The following NECTIN3 variants were observed in gnomAD, a reference collection of about 807,000 sequenced individuals.
NECTIN3 encodes the protein nectin-3.
In NECTIN3, 8 loss-of-function variants were observed where a neutral mutation model predicts 49.4. That is an observed-to-expected ratio of 0.16 (90% CI 0.10 to 0.29). The LOEUF is 0.29. NECTIN3 is among the 10% of genes least tolerant of loss of function. The probability of loss-of-function intolerance (pLI) is 1.00; values close to 1 mark genes in which losing one functional copy is unlikely to be tolerated. For missense variants in NECTIN3, 581 were observed against 654.6 expected (o/e 0.89, Z 1.23); for synonymous variants, 277 against 241.1 (o/e 1.15, Z -1.38).
At chr3:111,162,149 G>C (rs1354082034) in intron 7 of NECTIN3, among the ~76,000 whole-genome samples, 5 of 151,890 alleles carry the variant, frequency 3.3e-5, no homozygotes, top group Admixed American at 3.3e-4. Flanking sequence ...GGTGGGTCAC[G>C]CTTTGTGATT....
Position 111,104,634 on chromosome 3 carries a change from T to A in NECTIN3, c.161-7396T>A, listed in dbSNP as rs142629397. 3.0e-3 allele frequency among the ~76,000 whole-genome samples: 463 copies of A among 152,218 alleles called. 3 individuals are homozygous for A. Among genetic ancestry groups the A allele is most frequent in the African/African-American group, 0.01 (426 of 41,530 alleles). On this transcript the variant is annotated intron_variant, in intron 1 of 5. Coordinates refer to ENST00000485303, the MANE Select transcript of NECTIN3 (RefSeq NM_015480.3). ...CTGCACCCGACCTCTTTTGCTCATGTTTTATTGGTTTGTCTTTTTATTGTG... is the reference window on the plus strand; with the variant it reads ...CTGCACCCGACCTCTTTTGCTCATGATTTATTGGTTTGTCTTTTTATTGTG...
At chr3:111,145,085 C>G (rs1025227816) in intron 6 of NECTIN3, 17 of 1,489,690 alleles carry the variant, frequency 1.1e-5, no homozygotes, top group Admixed American at 4.0e-5. Flanking sequence ...CAGTATGTGT[C>G]CAATCTTTAT....
At chr3:111,097,176 GTCAAAGGAGA>G (rs1450679725) in intron 1 of NECTIN3, among the ~76,000 whole-genome samples, 2 of 152,206 alleles carry the variant, frequency 1.3e-5, no homozygotes, top group African/African-American at 4.8e-5. Context: ...GAGACATGTA[GTCAAAGGAGA>G]TCAAAGGAGA....
At chr3:111,112,426 A>G in intron 2 of NECTIN3, 55 bp downstream of exon 2, 1 of 1,081,696 alleles carries the variant, frequency 9.2e-7, no homozygotes, top group Non-Finnish European at 1.3e-6. Flanking sequence ...TATAATAAAA[A>G]TATTTTTAAG....
intron 1 of NECTIN3, among the ~76,000 whole-genome samples, chr3:111,101,600 T>G (rs1222868260): frequency 6.6e-6 from 1 of 152,198 alleles, no homozygotes; most frequent in African/African-American, 2.4e-5. Flanking sequence ...TAGAATTGTG[T>G]TATCTAGAAC....
chr3:111,122,411 C>T (rs2033994962), intron 4 of NECTIN3, among the ~76,000 whole-genome samples, 173 bp downstream of exon 4: 1 of 152,072 alleles, frequency 6.6e-6, no homozygotes, highest in African/African-American at 2.4e-5. Context: ...CCCCTCAGTT[C>T]TGATCTTTAG....
At chr3:111,079,157 A>G (rs1368328232) in intron 1 of NECTIN3, among the ~76,000 whole-genome samples, 1 of 152,118 alleles carries the variant, frequency 6.6e-6, no homozygotes, top group Admixed American at 6.5e-5. Context: ...AATCAGTTTA[A>G]TATAGTAACT....
intron 1 of NECTIN3, among the ~76,000 whole-genome samples, chr3:111,076,785 G>C (rs1247272254): frequency 6.6e-6 from 1 of 151,930 alleles, no homozygotes; most frequent in Non-Finnish European, 1.5e-5. Context: ...GTCCAGCCTG[G>C]CCAATATGGC....
intron 2 of NECTIN3, among the ~76,000 whole-genome samples, chr3:111,114,928 C>T (rs924370368): frequency 1.3e-5 from 2 of 152,046 alleles, no homozygotes; most frequent in Admixed American, 6.6e-5. Flanking sequence ...TAAGTATGCA[C>T]GGATTTGGGT....
Position 111,077,341 on chromosome 3 carries a change from T to C in NECTIN3, c.160+5164T>C, listed in dbSNP as rs7615696. On this transcript the variant is annotated intron_variant, in intron 1 of 5. Coordinates refer to ENST00000485303, the MANE Select transcript of NECTIN3 (RefSeq NM_015480.3). ...TAAAAAACTTTGGTTTCAACTTTAA[T>C]GGTAAAAAAAAAAAAAAAAAAAGAT... 272 of 30,518 alleles carry C rather than the reference T, an allele frequency of 8.9e-3. 4 individuals carry two copies. Among genetic ancestry groups the C allele is most frequent in the African/African-American group, 0.012 (248 of 20,402 alleles). 1.9% of individuals were successfully genotyped at this position (30,518 alleles called of 1,614,324 possible).
intron 1 of NECTIN3, among the ~76,000 whole-genome samples, chr3:111,107,158 A>G (rs2033219497): frequency 6.6e-6 from 1 of 152,024 alleles, no homozygotes; most frequent in African/African-American, 2.4e-5. Flanking sequence ...TATATACGTC[A>G]TTACATTTTC....
rs111504165 is a variant in NECTIN3, at chr3:111,127,752, CA to C, written c.1069+1418del. Reference sequence around the variant, plus strand: ...CTAATTTTTGTATTTTTTGTAGAGACAGGGGTGGTCTCTCTATGTTGTCCAG... The same window carrying C: ...CTAATTTTTGTATTTTTTGTAGAGACGGGGTGGTCTCTCTATGTTGTCCAG... On this transcript the variant is annotated intron_variant, in intron 5 of 5. Transcript: ENST00000485303. Among the ~76,000 whole-genome samples, 483 of 151,878 alleles carry C rather than the reference CA, an allele frequency of 3.2e-3. 4 individuals carry two copies. Among genetic ancestry groups the C allele is most frequent in the African/African-American group, 0.011 (455 of 41,432 alleles).
At chr3:111,169,266 A>T (rs2035387658) in intron 7 of NECTIN3, among the ~76,000 whole-genome samples, 1 of 149,092 alleles carries the variant, frequency 6.7e-6, no homozygotes. Flanking sequence ...ATTTTTTGTA[A>T]TTTTTATTAG....
intron 7 of NECTIN3, among the ~76,000 whole-genome samples, chr3:111,151,770 C>G: frequency 6.6e-6 from 1 of 151,814 alleles, no homozygotes; most frequent in East Asian, 1.9e-4. Context: ...ATATTCATGA[C>G]AGTGTTAGTA....
At chr3:111,173,686 G>A (rs769265329) in intron 7 of NECTIN3, among the ~76,000 whole-genome samples, 1 of 152,132 alleles carries the variant, frequency 6.6e-6, no homozygotes, top group Non-Finnish European at 1.5e-5. Flanking sequence ...CTTAGACTCA[G>A]TGTATAGTAA....
chr3:111,143,019 A>C (rs544299415), intron 5 of NECTIN3, among the ~76,000 whole-genome samples: 1 of 151,844 alleles, frequency 6.6e-6, no homozygotes, highest in African/African-American at 2.4e-5. Context: ...CAAATTGCAT[A>C]ACCTTAATAG....
Position 111,076,767 on chromosome 3 carries a change from G to C in NECTIN3, c.160+4590G>C, listed in dbSNP as rs76865023. ...TTCAGGGCAGATCACTTTGGGTCAG[G>C]AGTTTGAGTCCAGCCTGGCCAATAT... On this transcript the variant is annotated intron_variant, in intron 1 of 5. Transcript: ENST00000485303. Among the ~76,000 whole-genome samples the C allele has an allele frequency of 0.041, 6,163 of 152,080 alleles. 725 individuals are homozygous for C. The East Asian group carries it at 0.45, about 11-fold the overall frequency.
At chr3:111,122,335 G>A in intron 4 of NECTIN3, 97 bp downstream of exon 4, 1 of 830,858 alleles carries the variant, frequency 1.2e-6, no homozygotes. Context: ...CATGATTATA[G>A]TAATAGCAGA....
intron 1 of NECTIN3, chr3:111,077,358 A>C (rs1009272108): frequency 3.5e-6 from 1 of 289,786 alleles, no homozygotes; most frequent in African/African-American, 2.2e-5. Context: ...AAAAAAAAAA[A>C]AAAAAGATCA....
Sources: allele counts gnomAD v4.1 joint callset (sites outside exome capture counted in the v4.1 genomes callset), GRCh38; gene constraint gnomAD v4.1.1; transcripts MANE v1.5; gene names NCBI Gene and HGNC (gene_info 2026-07-23, HGNC 2026-07-21).